The following HPD variants were observed in gnomAD, a reference collection of about 807,000 sequenced individuals.
HPD encodes 4-hydroxyphenylpyruvate dioxygenase.
In HPD, 35 loss-of-function variants were observed where a neutral mutation model predicts 56.9. The observed-to-expected ratio is 0.62, with a 90% CI of 0.47 to 0.82. The LOEUF (loss-of-function observed/expected upper bound fraction) is 0.82, where lower values mean the gene tolerates loss of function less well. Ranked by LOEUF, HPD falls within the 40% of genes least tolerant of loss-of-function variation. The pLI is 0.00. For synonymous variants in HPD, 186 were observed against 200.2 expected, an observed-to-expected ratio of 0.93 and a Z score of 0.60; for missense variants, 442 against 506.8, an observed-to-expected ratio of 0.87 and a Z score of 1.23.
At chr12:121,859,071 C>T (rs1480733076), upstream of HPD, 1 of 573,438 alleles carries the variant, frequency 1.7e-6, no homozygotes, top group Non-Finnish European at 3.1e-6. Flanking sequence ...GAGGCAGAGT[C>T]AGGGCCAGAA....
At chr12:121,866,195 G>T (rs1878322395), upstream of HPD, among the ~76,000 whole-genome samples, 2 of 151,362 alleles carry the variant, frequency 1.3e-5, no homozygotes, top group African/African-American at 4.9e-5. Flanking sequence ...CAGCTACTCG[G>T]GAGGCTGAGG....
At chr12:121,856,511 C>A in intron 5 of HPD, 72 bp downstream of exon 5, 1 of 1,597,838 alleles carries the variant, frequency 6.3e-7, no homozygotes, top group Non-Finnish European at 8.6e-7. Context: ...ACCCACGGAG[C>A]CATGCGTCCA....
Position 121,849,676 on chromosome 12 carries a change from G to A in HPD, c.518+11C>T. ...GGCTTTCCACCCACCTCTGCCCTGAGGGACACTCACAGTTTAGGAAGTAGG... is the reference window on the plus strand; with the variant it reads ...GGCTTTCCACCCACCTCTGCCCTGAAGGACACTCACAGTTTAGGAAGTAGG... On this transcript the variant is annotated intron_variant, in intron 8 of 13. Transcript: ENST00000289004. 2.5e-6 allele frequency: 4 copies of A among 1,577,562 alleles called. No individual in the cohort carries two copies. Among genetic ancestry groups the A allele is most frequent in the Non-Finnish European group, 2.6e-6 (3 of 1,146,754 alleles).
intron 11 of HPD, among the ~76,000 whole-genome samples, chr12:121,845,457 T>C (rs941692029): frequency 2.4e-4 from 34 of 140,624 alleles, no homozygotes; most frequent in Middle Eastern, 6.9e-3. Flanking sequence ...AAACATTAGC[T>C]GGGCGTGGTG....
rs1555339233 is a variant in HPD, at chr12:121,839,688, C to T, written c.*40G>A. 5 of 1,379,450 alleles carry T rather than the reference C, an allele frequency of 3.6e-6. No individual in the cohort carries two copies. The highest frequency in any genetic ancestry group is 2.3e-5 in the South Asian group (2 of 86,476). The allele number at this position is 1,379,450 out of a possible 1,614,324, so 85.5% of individuals were successfully genotyped here. On this transcript the variant is annotated 3_prime_UTR_variant, in exon 14 of 14. Transcript: ENST00000289004. ...TTGGGCGAGTTCCAGAATCAGGGGG[C>T]GTGGCTGTGTGGCTGTGGCCTCCGT... is the stretch of plus-strand genomic sequence containing the variant.
At chr12:121,874,987 C>G in the HPD span, among the ~76,000 whole-genome samples, 1 of 152,122 alleles carries the variant, frequency 6.6e-6, no homozygotes. Flanking sequence ...CTCGAACTCC[C>G]AACCTCAGGT....
At chr12:121,882,312 T>G in the HPD span, among the ~76,000 whole-genome samples, 1 of 152,068 alleles carries the variant, frequency 6.6e-6, no homozygotes, top group African/African-American at 2.4e-5. Context: ...TCGCCAGGGA[T>G]CTCTAGTTCC....
At chr12:121,840,845 C>T (rs1004852287) in intron 12 of HPD, among the ~76,000 whole-genome samples, 14 of 151,606 alleles carry the variant, frequency 9.2e-5, no homozygotes, top group Non-Finnish European at 4.4e-5. Context: ...ATCACCTGAG[C>T]TCAGTTCGAG....
chr12:121,869,651 A>C, the HPD span, among the ~76,000 whole-genome samples: 6 of 148,940 alleles, frequency 4.0e-5, no homozygotes, highest in Non-Finnish European at 8.9e-5. Flanking sequence ...CAGCCTCCTG[A>C]GTAGCTAGGA....
intron 10 of HPD, 21 bp downstream of exon 10, chr12:121,847,031 C>T: frequency 6.2e-7 from 1 of 1,614,164 alleles, no homozygotes; most frequent in Non-Finnish European, 8.5e-7. Context: ...TCCCCTCTCC[C>T]CCAGCCAGGG....
At chr12:121,871,958 C>T in the HPD span, among the ~76,000 whole-genome samples, 4 of 151,016 alleles carry the variant, frequency 2.6e-5, no homozygotes, top group East Asian at 2.0e-4. Flanking sequence ...TCGGGCTGGG[C>T]GCGGTGGCTC....
At position 121,847,559 on chromosome 12, in the gene HPD, C is replaced by T. The variant is rs534266468; in HGVS notation, c.597-345G>A. On this transcript the variant is annotated intron_variant, in intron 9 of 13. Coordinates refer to ENST00000289004, the MANE Select transcript of HPD (RefSeq NM_002150.3). Reference sequence around the variant, plus strand: ...TATTTTTATTTTTTGTTTTTTGAGACGGAGTTTCGCTCTTTTCGCCCAGGC... The same window carrying T: ...TATTTTTATTTTTTGTTTTTTGAGATGGAGTTTCGCTCTTTTCGCCCAGGC... Among the ~76,000 whole-genome samples, 9 of 151,644 alleles carry T rather than the reference C, an allele frequency of 5.9e-5. No individual in the cohort carries two copies. In the South Asian group the frequency reaches 1.0e-3, roughly 18 times the overall value.
At chr12:121,850,964 A>G (rs1309634404) in intron 7 of HPD, among the ~76,000 whole-genome samples, 1 of 151,568 alleles carries the variant, frequency 6.6e-6, no homozygotes, top group Admixed American at 6.6e-5. Context: ...CCCGGGTTCA[A>G]GCGATTCTCC....
the HPD span, among the ~76,000 whole-genome samples, chr12:121,886,135 G>T: frequency 2.0e-5 from 3 of 147,016 alleles, no homozygotes; most frequent in Non-Finnish European, 3.0e-5. Context: ...TTGAGATGGG[G>T]TCTCACTCTC....
chr12:121,854,548 G>A (rs1198816117), intron 7 of HPD, among the ~76,000 whole-genome samples, 155 bp downstream of exon 7: 7 of 152,052 alleles, frequency 4.6e-5, no homozygotes, highest in African/African-American at 9.7e-5. Context: ...TGCAGTCCCC[G>A]TACACTGGCC....
In HPD at chr12:121,856,627, T is replaced by C; in HGVS notation, c.199-2A>G. On this transcript the variant is annotated splice_acceptor_variant, in intron 4 of 13. Transcript: ENST00000289004. LOFTEE classifies it high-confidence loss of function. ...CGCTGAGGAGAGGACAAACACAATC[T>C]AAGATAGGAGGAGAAGGAGGTGAGG... 1 of 1,613,852 alleles carries C rather than the reference T, an allele frequency of 6.2e-7. No individual in the cohort carries two copies. The highest frequency in any genetic ancestry group is 1.1e-5 in the South Asian group (1 of 91,070).
At chr12:121,845,576 G>T (rs1446204372) in intron 11 of HPD, among the ~76,000 whole-genome samples, 5 of 147,862 alleles carry the variant, frequency 3.4e-5, no homozygotes, top group East Asian at 2.0e-4. Flanking sequence ...ACTCCAGCCT[G>T]GGCGACAGAG....
the HPD span, among the ~76,000 whole-genome samples, chr12:121,882,211 C>T: frequency 3.9e-5 from 6 of 151,954 alleles, no homozygotes; most frequent in South Asian, 4.2e-4. Context: ...GAGGATTTGT[C>T]GTTTGTAGGA....
At chr12:121,859,517 G>A (rs1485109927), upstream of HPD, among the ~76,000 whole-genome samples, 1 of 152,194 alleles carries the variant, frequency 6.6e-6, no homozygotes, top group Non-Finnish European at 1.5e-5. Context: ...GGGAAGAACT[G>A]GAACATGAAC....
Sources: gnomAD v4.1 joint callset for allele counts (sites outside exome capture counted in the v4.1 genomes callset) on GRCh38, gnomAD v4.1.1 for gene constraint, MANE v1.5 for transcripts, NCBI Gene and HGNC (gene_info 2026-07-23, HGNC 2026-07-21) for gene names.